Variants in PDZD8 observed in about 807,000 individuals in gnomAD.
PDZD8 encodes PDZ domain-containing protein 8.
PDZD8 carries 14 observed loss-of-function variants against 85.8 expected under a neutral mutation model. The ratio of observed to expected loss-of-function variants is 0.16; its 90% CI spans 0.11 to 0.26. The LOEUF is 0.26. Among genes scored for constraint, PDZD8 ranks in the 10% least tolerant of loss-of-function variants. The pLI, the probability that PDZD8 is intolerant of heterozygous loss-of-function variation, is 1.00. For synonymous variants in PDZD8, 592 were observed against 568.6 expected (o/e 1.04, Z -0.59); for missense variants, 1,197 against 1,424.3 (o/e 0.84, Z 2.57).
At chr10:117,367,211 G>A (rs1370192889) in intron 1 of PDZD8, among the ~76,000 whole-genome samples, 1 of 152,146 alleles carries the variant, frequency 6.6e-6, no homozygotes, top group Admixed American at 6.5e-5. Flanking sequence ...AGGAGTTGGA[G>A]ACCAGCCTGG....
intron 1 of PDZD8, among the ~76,000 whole-genome samples, chr10:117,345,858 A>T (rs1014778981): frequency 1.3e-5 from 2 of 152,182 alleles, no homozygotes; most frequent in Non-Finnish European, 2.9e-5. Flanking sequence ...AACGTTTCTT[A>T]TCAGACTTAA....
chr10:117,374,539 C>T lies in PDZD8; in HGVS notation c.689G>A (p.Arg230His). ...VKLSRVVGRLRLVFTRVPFTH... is the reference protein window; with the variant it reads ...VKLSRVVGRLHLVFTRVPFTH... The stretch of plus-strand genomic sequence containing the variant: ...GAAGGGCACGCGCGTAAAGACCAAG[C>T]GCAGCCTTCCCACCACGCGGGACAG... The change falls in exon 1 of 5, where the codon CGC becomes CAC. Residue 230 changes from arginine (R) to histidine (H), a missense_variant. Around this residue, in one of 4 missense-constraint regions of PDZD8, gnomAD observed 344 missense variants for 453.6 expected, o/e 0.76. Transcript: ENST00000334464. This position sits in a 1 kb window ranked among gnomAD's most constrained non-coding sequence, Gnocchi z 7.8. 1 of 1,607,774 alleles carries T rather than the reference C, an allele frequency of 6.2e-7. No homozygotes were observed. Among genetic ancestry groups the T allele is most frequent in the Non-Finnish European group, 8.5e-7 (1 of 1,177,122 alleles).
At chr10:117,312,187 T>C (rs1383506708) in intron 3 of PDZD8, among the ~76,000 whole-genome samples, 2 of 151,906 alleles carry the variant, frequency 1.3e-5, no homozygotes, top group Non-Finnish European at 2.9e-5. Flanking sequence ...AAGGTTTGTA[T>C]GGGGAGAAAT....
chr10:117,310,100 A>C (rs1013010938), intron 3 of PDZD8, among the ~76,000 whole-genome samples: 1 of 152,110 alleles, frequency 6.6e-6, no homozygotes, highest in East Asian at 1.9e-4. Flanking sequence ...CATATTCTTT[A>C]GCCAACTTGA....
At chr10:117,323,664 G>GT (rs1182374736) in intron 2 of PDZD8, among the ~76,000 whole-genome samples, 1 of 152,112 alleles carries the variant, frequency 6.6e-6, no homozygotes, top group African/African-American at 2.4e-5. Flanking sequence ...AAAAATGAAT[G>GT]TAAGAGGCAG....
At chr10:117,342,314 C>T (rs570256103) in intron 1 of PDZD8, among the ~76,000 whole-genome samples, 460 of 151,994 alleles carry the variant, frequency 3.0e-3, no homozygotes, top group Non-Finnish European at 4.8e-3. Context: ...GTTTTCAATT[C>T]ACCCTACACA....
chr10:117,318,559 C>G (rs1282330046), intron 3 of PDZD8, among the ~76,000 whole-genome samples: 1 of 152,134 alleles, frequency 6.6e-6, no homozygotes, highest in Non-Finnish European at 1.5e-5. Flanking sequence ...AATGAATACT[C>G]TGAATTCACA....
chr10:117,283,165 G>A lies in PDZD8; in HGVS notation c.*103C>T. On this transcript the variant is annotated 3_prime_UTR_variant, in exon 5 of 5. Coordinates refer to ENST00000334464, the MANE Select transcript of PDZD8 (RefSeq NM_173791.5). ...GTTCTTACACAAGCAAGTAACTGGA[G>A]AAGCAGGCCAGAGTGCATACGAGGA... 1.7e-6 allele frequency: 2 copies of A among 1,164,242 alleles called. No homozygotes were observed. The highest frequency in any genetic ancestry group is 1.7e-5 in the South Asian group (1 of 57,980). The allele number at this position is 1,164,242 out of a possible 1,614,324, so 72.1% of individuals were successfully genotyped here. A position where few individuals can be genotyped will look rare whatever the true frequency, so the allele number is the denominator to read the frequency against.
Position 117,350,268 on chromosome 10 carries a change from CT to C in PDZD8, c.873-9167del, listed in dbSNP as rs55833923. Among the ~76,000 whole-genome samples, 212 of 137,696 alleles carry C rather than the reference CT, an allele frequency of 1.5e-3. 1 individual carries two copies. Among genetic ancestry groups the C allele is most frequent in the Non-Finnish European group, 2.0e-3 (125 of 63,584 alleles). The allele number at this position is 137,696 out of a possible 152,430, so 90.3% of individuals were successfully genotyped here. ...ATCTGTTTTTTTTGTTTGTTTGTTT[CT>C]TTTTTTTTTTTTTTTGAGACGGAGT... On this transcript the variant is annotated intron_variant, in intron 1 of 4. Transcript: ENST00000334464.
At chr10:117,364,967 A>G (rs1483442360) in intron 1 of PDZD8, among the ~76,000 whole-genome samples, 1 of 151,702 alleles carries the variant, frequency 6.6e-6, no homozygotes, top group African/African-American at 2.4e-5. Context: ...AGAGAGAGGC[A>G]CCTCCTCAAT....
rs190191658 is a variant in PDZD8, at chr10:117,356,667, T to C, written c.873-15565A>G. On this transcript the variant is annotated intron_variant, in intron 1 of 4. Transcript: ENST00000334464. Reference sequence around the variant, plus strand: ...TTAGGCTGGTGTGATAAGAGAATAATATGTACTTTACTATTAATCTATCAT... The same window carrying C: ...TTAGGCTGGTGTGATAAGAGAATAACATGTACTTTACTATTAATCTATCAT... 1.8e-3 allele frequency among the ~76,000 whole-genome samples: 281 copies of C among 152,320 alleles called. 1 individual carries two copies. The highest frequency in any genetic ancestry group is 6.7e-3 in the African/African-American group (277 of 41,568).
intron 1 of PDZD8, among the ~76,000 whole-genome samples, chr10:117,352,488 G>A (rs1269599367): frequency 6.6e-6 from 1 of 152,132 alleles, no homozygotes; most frequent in Non-Finnish European, 1.5e-5. Flanking sequence ...CAAAAAAGAA[G>A]ACAAAGGAAC....
chr10:117,305,461 TACACACACATACACACAC>T lies in PDZD8; in HGVS notation c.1098+13393_1098+13410del, dbSNP rs1367065990. 8.4e-3 allele frequency among the ~76,000 whole-genome samples: 464 copies of T among 55,268 alleles called. 1 individual carries two copies. The highest frequency in any genetic ancestry group is 0.03 in the African/African-American group (432 of 14,404). The allele number at this position is 55,268 out of a possible 152,430, so 36.3% of individuals were successfully genotyped here. ...AAATACACACACACACACACATATA[TACACACACATACACACAC>T]ACACACACACACACACACACACACA... On this transcript the variant is annotated intron_variant, in intron 3 of 4. Coordinates refer to ENST00000334464, the MANE Select transcript of PDZD8 (RefSeq NM_173791.5).
At chr10:117,369,401 C>T (rs1010091746) in intron 1 of PDZD8, among the ~76,000 whole-genome samples, 8 of 152,144 alleles carry the variant, frequency 5.3e-5, no homozygotes, top group Non-Finnish European at 8.8e-5. Context: ...TCAAGTGATC[C>T]GCCTGCCTTG....
Position 117,283,506 on chromosome 10 carries a change from G to A in PDZD8, c.3227C>T (p.Ala1076Val), listed in dbSNP as rs761828024. ...TAGCCTTTCACCTGATTTAGCTAAG[G>A]CAGCAGAAAGAAGTGATTTTTTCCT... ...DTRKKSLLSA[A>V]LAKSGERLQA... Residue 1076 changes from alanine to valine, a missense_variant, in exon 5 of 5, where the codon GCC becomes GTC. By Grantham distance (64) the Ala-to-Val change is moderately conservative. Transcript: ENST00000334464. The A allele has an allele frequency of 5.0e-6, 8 of 1,614,042 alleles. No individual in the cohort carries two copies. Among genetic ancestry groups the A allele is most frequent in the South Asian group, 2.2e-5 (2 of 91,088 alleles).
At chr10:117,314,438 G>A (rs915143842) in intron 3 of PDZD8, among the ~76,000 whole-genome samples, 2 of 152,038 alleles carry the variant, frequency 1.3e-5, no homozygotes, top group East Asian at 1.9e-4. Context: ...TTCTTATAAC[G>A]GTTGCCAGTT....
At chr10:117,369,144 T>TTTTATTTA (rs201074131) in intron 1 of PDZD8, among the ~76,000 whole-genome samples, 3 of 151,272 alleles carry the variant, frequency 2.0e-5, no homozygotes, top group Non-Finnish European at 4.4e-5. Flanking sequence ...TGACAATGTC[T>TTTTATTTA]TTTATTTATT....
At chr10:117,364,529 C>G (rs1845055913) in intron 1 of PDZD8, among the ~76,000 whole-genome samples, 1 of 151,774 alleles carries the variant, frequency 6.6e-6, no homozygotes, top group African/African-American at 2.4e-5. Flanking sequence ...AAAAAAAATT[C>G]CAGCATTTAA....
rs755909444 is a variant in PDZD8, at chr10:117,284,641, C to T, written c.2092G>A (p.Ala698Thr). The T allele has an allele frequency of 1.9e-6, 3 of 1,614,064 alleles. No individual in the cohort carries two copies. Among genetic ancestry groups the T allele is most frequent in the South Asian group, 1.1e-5 (1 of 91,086 alleles). ...NKLGKWTRTR[A>T]SCLFDIEACH... ...GCTTCTATGTCAAACAAACAGGATGCTCTGGTTCTTGTCCATTTTCCTAGC... is the reference window on the plus strand; with the variant it reads ...GCTTCTATGTCAAACAAACAGGATGTTCTGGTTCTTGTCCATTTTCCTAGC... Residue 698 changes from alanine (A) to threonine (T), a missense_variant, in exon 5 of 5, where the codon GCA becomes ACA. Physicochemically the swap from Ala to Thr is moderately conservative, Grantham distance 58. Transcript: ENST00000334464.
Sources: gnomAD v4.1 joint callset for allele counts (sites outside exome capture counted in the v4.1 genomes callset) on GRCh38, gnomAD v4.1.1 for gene constraint, gnomAD v4.1.1 regional missense constraint, Gnocchi (gnomAD v3.1) non-coding constraint, MANE v1.5 for transcripts, NCBI Gene and HGNC (gene_info 2026-07-23, HGNC 2026-07-21) for gene names.